EXT1: variants seen among roughly 807,000 people sequenced by gnomAD.
EXT1 encodes the protein exostosin-1.
Under a neutral mutation model 82.5 loss-of-function variants are expected in EXT1, and 20 were observed. The ratio of observed to expected loss-of-function variants is 0.24; its 90% CI spans 0.17 to 0.35. The LOEUF is 0.35. EXT1 is among the 10% of genes least tolerant of loss of function. The probability of loss-of-function intolerance (pLI) is 1.00; values close to 1 mark genes in which losing one functional copy is unlikely to be tolerated. For missense variants in EXT1, 757 were observed against 936.5 expected (o/e 0.81, Z 2.50); for synonymous variants, 348 against 350.8 (o/e 0.99, Z 0.09).
At chr8:117,979,379 CA>C (rs925198486) in intron 1 of EXT1, among the ~76,000 whole-genome samples, 4,522 of 116,182 alleles carry the variant, frequency 0.039, 227 homozygotes, top group African/African-American at 0.13. Context: ...AACAAACAAA[CA>C]AAAAAACAAA....
chr8:118,030,922 C>T (rs1444536617), intron 1 of EXT1, among the ~76,000 whole-genome samples: 6 of 152,318 alleles, frequency 3.9e-5, no homozygotes, highest in Middle Eastern at 3.4e-3. Flanking sequence ...TTCACTTTCA[C>T]TCTTACGTTT....
intron 2 of EXT1, among the ~76,000 whole-genome samples, chr8:117,836,442 G>A (rs967440853): frequency 6.6e-6 from 1 of 152,192 alleles, no homozygotes; most frequent in Non-Finnish European, 1.5e-5. Context: ...CAGGGCAAGA[G>A]GAGGAAAGAA....
At position 118,111,688 on chromosome 8, in the gene EXT1, C is replaced by T. The variant is rs534171475; in HGVS notation, c.-642G>A. On this transcript the variant is annotated 5_prime_UTR_variant, in exon 1 of 11. Transcript: ENST00000378204. ...GGCCGGCCCCCGGGACGCGCGGCGG[C>T]CCGGCTGGAGGCGGCGGCGGCGGCG... is the stretch of plus-strand genomic sequence containing the variant. 95 of 256,210 alleles carry T rather than the reference C, an allele frequency of 3.7e-4. No individual in the cohort carries two copies. The highest frequency in any genetic ancestry group is 5.5e-4 in the Non-Finnish European group (74 of 135,004). 15.9% of individuals were successfully genotyped at this position (256,210 alleles called of 1,614,324 possible). A position where few individuals can be genotyped will look rare whatever the true frequency, so the allele number is the denominator to read the frequency against.
chr8:117,808,297 A>C (rs1161810749), intron 8 of EXT1, among the ~76,000 whole-genome samples: 1 of 152,236 alleles, frequency 6.6e-6, no homozygotes, highest in Non-Finnish European at 1.5e-5. Flanking sequence ...CAACAGGTGC[A>C]GCTATAGGTG....
At chr8:118,002,141 C>A (rs1336969695) in intron 1 of EXT1, among the ~76,000 whole-genome samples, 2 of 151,932 alleles carry the variant, frequency 1.3e-5, no homozygotes, top group Non-Finnish European at 2.9e-5. Context: ...AAAAATCTAA[C>A]AATGGAAATA....
In EXT1 at chr8:118,110,921, A is replaced by G. The variant is rs1817890637; in HGVS notation, c.126T>C (p.Gly42=). The G allele has an allele frequency of 6.2e-7, 1 of 1,613,878 alleles. No homozygotes were observed. Among genetic ancestry groups the G allele is most frequent in the African/African-American group, 1.3e-5 (1 of 74,894 alleles). Residue 42 remains glycine, a synonymous_variant, in exon 1 of 11, where the codon GGT becomes GGC. Transcript: ENST00000378204. The part of the protein sequence containing the change: ...RSHSRREEHS[G]RNGLHHPSPD... ...GACTGGGGTGGTGCAAGCCATTCCT[A>G]CCGCTGTGTTCTTCTCTCCGGCTGT...
intron 4 of EXT1, among the ~76,000 whole-genome samples, chr8:117,829,560 T>A: frequency 7.0e-6 from 1 of 142,254 alleles, no homozygotes; most frequent in South Asian, 2.2e-4. Context: ...GGCCATTATA[T>A]ATATTTTTCT....
At chr8:118,076,823 ATTT>A (rs1817220752) in intron 1 of EXT1, among the ~76,000 whole-genome samples, 2 of 152,216 alleles carry the variant, frequency 1.3e-5, no homozygotes, top group African/African-American at 4.8e-5. Flanking sequence ...TTATACAGTA[ATTT>A]TTCTTTGATT....
intron 1 of EXT1, among the ~76,000 whole-genome samples, chr8:118,039,559 A>C (rs1045800588): frequency 1.7e-4 from 7 of 41,320 alleles, no homozygotes; most frequent in African/African-American, 1.3e-3. Context: ...CTCCGTCACA[A>C]AAAAAAAAAA....
intron 1 of EXT1, among the ~76,000 whole-genome samples, chr8:117,985,631 C>T (rs1285256330): frequency 6.6e-6 from 1 of 151,714 alleles, no homozygotes; most frequent in Non-Finnish European, 1.5e-5. Flanking sequence ...CTAAAAGACA[C>T]ATATTAGAGA....
intron 4 of EXT1, 27 bp from the exon 5 acceptor site, chr8:117,822,624 G>C: frequency 6.2e-7 from 1 of 1,609,696 alleles, no homozygotes; most frequent in Non-Finnish European, 8.5e-7. Flanking sequence ...AGCACACAGT[G>C]AGGATGAGAT....
rs577298369 is a variant in EXT1 at position 118,008,953 on chromosome 8, T to A, written c.962+101132A>T. On this transcript the variant is annotated intron_variant, in intron 1 of 10. Transcript: ENST00000378204. The stretch of plus-strand genomic sequence containing the variant: ...GTGATTGCTATTATGAAATGGGTCA[T>A]CTCTTATCTACGCAAGTATATCTGT... 1.6e-3 allele frequency among the ~76,000 whole-genome samples: 250 copies of A among 152,264 alleles called. 2 individuals carry two copies. The highest frequency in any genetic ancestry group is 5.8e-3 in the African/African-American group (242 of 41,542).
chr8:118,033,349 C>T (rs1223448613), intron 1 of EXT1, among the ~76,000 whole-genome samples: 2 of 152,196 alleles, frequency 1.3e-5, no homozygotes, highest in African/African-American at 4.8e-5. Context: ...GTGTCCAGAA[C>T]ATTACTAAAA....
intron 10 of EXT1, among the ~76,000 whole-genome samples, chr8:117,801,038 T>C (rs775731409): frequency 1.6e-4 from 25 of 152,242 alleles, no homozygotes; most frequent in Admixed American, 4.6e-4. Context: ...GTGTATTTGT[T>C]GTACTCACAG....
At chr8:117,868,628 T>G (rs1488653411) in intron 1 of EXT1, among the ~76,000 whole-genome samples, 1 of 151,950 alleles carries the variant, frequency 6.6e-6, no homozygotes, top group East Asian at 1.9e-4. Flanking sequence ...TTTTTTATTT[T>G]TTGTAGAGAC....
intron 3 of EXT1, among the ~76,000 whole-genome samples, chr8:117,831,965 A>C (rs951107797): frequency 4.6e-5 from 7 of 152,246 alleles, no homozygotes; most frequent in Non-Finnish European, 1.0e-4. Context: ...ATTAGCCTGT[A>C]ATCAGAGCCC....
At chr8:117,938,890 A>G (rs1814219147) in intron 1 of EXT1, among the ~76,000 whole-genome samples, 1 of 152,242 alleles carries the variant, frequency 6.6e-6, no homozygotes, top group African/African-American at 2.4e-5. Context: ...AATAATCACT[A>G]TTTGCAAAGC....
rs571254844 is a variant in EXT1 at position 118,011,827 on chromosome 8, T to G, written c.962+98258A>C. On this transcript the variant is annotated intron_variant, in intron 1 of 10. Transcript: ENST00000378204. ...AGACAAATTCCAAACGCATCTTTGA[T>G]CTCACTACTTCAAGGAATCCCTTTA... 9.8e-5 allele frequency among the ~76,000 whole-genome samples: 15 copies of G among 152,340 alleles called. No homozygotes were observed. The South Asian group carries it at 3.1e-3, about 32-fold the overall frequency.
intron 1 of EXT1, among the ~76,000 whole-genome samples, chr8:117,946,440 T>A (rs953194196): frequency 1.3e-5 from 2 of 152,166 alleles, no homozygotes; most frequent in Non-Finnish European, 2.9e-5. Flanking sequence ...AAGTCCTACA[T>A]AAGCATTTGT....
Sources: allele counts gnomAD v4.1 joint callset (sites outside exome capture counted in the v4.1 genomes callset), GRCh38; gene constraint gnomAD v4.1.1; transcripts MANE v1.5; gene names NCBI Gene and HGNC (gene_info 2026-07-23, HGNC 2026-07-21).